The following MUC5B variants were observed in gnomAD, a reference collection of about 807,000 sequenced individuals.
The protein encoded by MUC5B is mucin 5B, oligomeric mucus/gel-forming, also known as mucin-5B.
In MUC5B, 116 loss-of-function variants were observed where a neutral mutation model predicts 376.9. The observed-to-expected ratio is 0.31, with a 90% confidence interval of 0.26 to 0.36. MUC5B has a LOEUF of 0.36. Among genes scored for constraint, MUC5B ranks in the 10% least tolerant of loss-of-function variants. The pLI, the probability that MUC5B is intolerant of heterozygous loss-of-function variation, is 1.00. For synonymous variants in MUC5B, 3,517 were observed against 3,390.9 expected, an observed-to-expected ratio of 1.04 and a Z score of -1.29; for missense variants, 7,165 against 7,769.9, an observed-to-expected ratio of 0.92 and a Z score of 2.93.
chr11:1,227,436 T>C, intron 6 of MUC5B, 38 bp downstream of exon 6: 1 of 1,499,586 alleles, frequency 6.7e-7, no homozygotes, highest in Non-Finnish European at 9.2e-7. Flanking sequence ...TGACCAATTA[T>C]GTCGGCCAAC....
chr11:1,231,273 G>T, intron 13 of MUC5B, 150 bp from the exon 14 acceptor site: 1 of 1,023,522 alleles, frequency 9.8e-7, no homozygotes, highest in South Asian at 1.8e-5. Context: ...CCACAGGCAT[G>T]GGACAGGGAG....
chr11:1,229,897 G>T (rs2133809320), intron 10 of MUC5B, 90 bp downstream of exon 10: 1 of 1,546,222 alleles, frequency 6.5e-7, no homozygotes. Context: ...GGGTGGGGGT[G>T]TGGAGCTCCT....
Position 1,225,370 on chromosome 11 carries a change from C to T in MUC5B, c.71-311C>T, listed in dbSNP as rs1037093771. On this transcript the variant is annotated intron_variant, in intron 1 of 48. Coordinates refer to ENST00000529681, the MANE Select transcript of MUC5B (RefSeq NM_002458.3). ...GGAGGCACCATCCCCGCCTGTCAGT[C>T]GGGGACAGGGCAGGCCGTGCTGGGG... Among the ~76,000 whole-genome samples, 11 of 152,368 alleles carry T rather than the reference C, an allele frequency of 7.2e-5. No homozygotes were observed. In the East Asian group the frequency reaches 7.7e-4, roughly 11 times the overall value.
chr11:1,247,146 C>T lies in MUC5B; in HGVS notation c.10266C>T (p.Thr3422=), dbSNP rs369734843. ...TTPIPPVLTT[T]ATTPAATSST... ...CCATCCCCCCAGTGCTGACCACCAC[C>T]GCCACCACACCTGCAGCCACCAGCA... The change falls in exon 31 of 49, where the codon ACC becomes ACT. Residue 3422 remains threonine (T), a synonymous_variant. Coordinates refer to ENST00000529681, the MANE Select transcript of MUC5B (RefSeq NM_002458.3). 7.0e-5 allele frequency: 107 copies of T among 1,529,822 alleles called. No homozygotes were observed. The highest frequency in any genetic ancestry group is 6.9e-4 in the Admixed American group (36 of 52,220). The allele number at this position is 1,529,822 out of a possible 1,614,324, so 94.8% of individuals were successfully genotyped here.
chr11:1,226,130 G>C, intron 2 of MUC5B, 75 bp from the exon 3 acceptor site: 5 of 1,426,232 alleles, frequency 3.5e-6, no homozygotes. Context: ...CTGGCGAGGA[G>C]GGTGGGCCCC....
Position 1,229,309 on chromosome 11 carries a change from GC to G in MUC5B, c.1102+17del. 6.4e-7 allele frequency: 1 copy of G among 1,552,058 alleles called. No individual in the cohort carries two copies. Among genetic ancestry groups the G allele is most frequent in the Middle Eastern group, 1.7e-4 (1 of 5,948 alleles). On this transcript the variant is annotated intron_variant, in intron 9 of 48. Transcript: ENST00000529681. ...TCTGCCCCCCAGGCAGGTCTTGTGTGCCCTGAACCCCTCAGGGGGCTTTCAG... is the reference window on the plus strand; with the variant it reads ...TCTGCCCCCCAGGCAGGTCTTGTGTGCCTGAACCCCTCAGGGGGCTTTCAG...
Position 1,248,724 on chromosome 11 carries a change from C to T in MUC5B, c.11844C>T (p.Ile3948=), listed in dbSNP as rs1238519739. ...TQTSGTPPSL[I]TTATTITATG... is the part of the protein sequence containing the mutation. ...CCAGTGGTACTCCCCCATCACTGAT[C>T]ACCACGGCCACTACGATCACGGCCA... The change falls in exon 31 of 49, where the codon ATC becomes ATT. Residue 3948 remains isoleucine (I), a synonymous_variant. Coordinates refer to ENST00000529681, the MANE Select transcript of MUC5B (RefSeq NM_002458.3). 1.3e-5 allele frequency: 20 copies of T among 1,565,466 alleles called. No individual in the cohort carries two copies. Among genetic ancestry groups the T allele is most frequent in the Non-Finnish European group, 1.7e-5 (20 of 1,155,566 alleles).
rs562880615 is a variant in MUC5B at position 1,241,253 on chromosome 11, C to T, written c.4373C>T (p.Thr1458Ile). ...ASTEPAVPTP[T>I]QTTATEKTTL... Reference sequence around the variant, plus strand: ...ACGGAGCCTGCTGTGCCTACCCCAACCCAGACCACAGCAACCGAAAAGACC... The same window carrying T: ...ACGGAGCCTGCTGTGCCTACCCCAATCCAGACCACAGCAACCGAAAAGACC... The change falls in exon 31 of 49, where the codon ACC becomes ATC. Residue 1458 changes from threonine (T) to isoleucine (I), a missense_variant. Thr to Ile is a moderately conservative substitution (Grantham distance 89, BLOSUM62 -1). This residue lies in a region of MUC5B where 517 missense variants were observed against 545.3 expected (regional missense o/e 0.95). Transcript: ENST00000529681. 2.5e-6 allele frequency: 4 copies of T among 1,593,498 alleles called. No homozygotes were observed.
chr11:1,256,804 C>G (rs56166961), intron 39 of MUC5B, 33 bp downstream of exon 39: 8 of 1,488,832 alleles, frequency 5.4e-6, no homozygotes, highest in Non-Finnish European at 7.2e-6. Context: ...GGATACGACC[C>G]TGGGCCCGAC....
In MUC5B at chr11:1,258,017, CACGCCTGCG is replaced by C. The variant is rs1389367618; in HGVS notation, c.16451-79_16451-71del. 9.0e-5 allele frequency: 123 copies of C among 1,373,360 alleles called. No individual in the cohort carries two copies. The highest frequency in any genetic ancestry group is 1.2e-4 in the Non-Finnish European group (120 of 995,438). 85.1% of individuals were successfully genotyped at this position (1,373,360 alleles called of 1,614,324 possible). A position where few individuals can be genotyped will look rare whatever the true frequency, so the allele number is the denominator to read the frequency against. ...AAGCGGTCAGGTCCTCGGGGAAAAG[CACGCCTGCG>C]ACTTACTCTGGGAACAAGTGGTCGG... On this transcript the variant is annotated intron_variant, in intron 41 of 48. Coordinates refer to ENST00000529681, the MANE Select transcript of MUC5B (RefSeq NM_002458.3). The surrounding 1 kb of genome is among the most constrained non-coding windows in gnomAD (Gnocchi z 5.5).
Position 1,240,864 on chromosome 11 carries a change from G to A in MUC5B, c.3984G>A (p.Pro1328=), listed in dbSNP as rs1046246907. ...VPHSTTSPAL[P]VSTVCVREVC... ...TGCCCCTTGCAGGCCCGGCCCTCCCGGTCTCCACCGTGTGTGTCCGCGAGG... is the reference window on the plus strand; with the variant it reads ...TGCCCCTTGCAGGCCCGGCCCTCCCAGTCTCCACCGTGTGTGTCCGCGAGG... The change falls in exon 31 of 49, where the codon CCG becomes CCA. Residue 1328 remains proline (P), a synonymous_variant. Transcript: ENST00000529681. The A allele has an allele frequency of 4.3e-6, 7 of 1,609,564 alleles. No homozygotes were observed. The highest frequency in any genetic ancestry group is 2.0e-4 in the Middle Eastern group (1 of 5,110).
chr11:1,255,216 C>CA lies in MUC5B; in HGVS notation c.15841dup (p.Thr5281AsnfsTer12). On this transcript the variant is annotated frameshift_variant, in exon 36 of 49. Transcript: ENST00000529681. LOFTEE classifies it high-confidence loss of function. ...CCGCAGCCCCGGTGTCTAGCACACC[C>CA]ACCCCCACCCCATGCCCACCACAGC... 1 of 1,537,234 alleles carries CA rather than the reference C, an allele frequency of 6.5e-7. No individual in the cohort carries two copies. The highest frequency in any genetic ancestry group is 8.8e-7 in the Non-Finnish European group (1 of 1,136,684).
At position 1,256,052 on chromosome 11, in the gene MUC5B, C is replaced by T. The variant is rs1025035202; in HGVS notation, c.16067-104C>T. 6 of 609,376 alleles carry T rather than the reference C, an allele frequency of 9.8e-6. 1 individual carries two copies. Among genetic ancestry groups the T allele is most frequent in the East Asian group, 2.9e-5 (1 of 34,950 alleles). 37.7% of individuals were successfully genotyped at this position (609,376 alleles called of 1,614,324 possible). On this transcript the variant is annotated intron_variant, in intron 37 of 48. Coordinates refer to ENST00000529681, the MANE Select transcript of MUC5B (RefSeq NM_002458.3). Reference sequence around the variant, plus strand: ...TGCGGTGAGTGGGGGCGGCCCCGGGCCCCCCAGACTCCTCGGCCTCTCTGA... The same window carrying T: ...TGCGGTGAGTGGGGGCGGCCCCGGGTCCCCCAGACTCCTCGGCCTCTCTGA...
chr11:1,240,127 T>C (rs1281538238), intron 29 of MUC5B, 39 bp downstream of exon 29: 1 of 1,566,514 alleles, frequency 6.4e-7, no homozygotes, highest in Non-Finnish European at 8.7e-7. Flanking sequence ...CGGTGAAGGC[T>C]GGGGCCAGGG....
chr11:1,225,551 G>C (rs1048837994), intron 1 of MUC5B, 130 bp from the exon 2 acceptor site: 8 of 786,638 alleles, frequency 1.0e-5, no homozygotes, highest in Admixed American at 2.4e-5. Context: ...TGAACCTGCA[G>C]GGCATGGAGA....
chr11:1,239,358 C>T (rs1047341182), intron 26 of MUC5B, 80 bp from the exon 27 acceptor site: 32 of 1,511,282 alleles, frequency 2.1e-5, no homozygotes, highest in Admixed American at 8.6e-5. Context: ...CCGGCCCCCA[C>T]GCCCGGGGTA....
rs1476942080 is a variant in MUC5B at position 1,241,806 on chromosome 11, T to A, written c.4926T>A (p.Ala1642=). The change falls in exon 31 of 49, where the codon GCT becomes GCA. Residue 1642 remains alanine, a synonymous_variant. Coordinates refer to ENST00000529681, the MANE Select transcript of MUC5B (RefSeq NM_002458.3). ...QPTSSPGLTR[A]PPASTTAVPT... ...CGAGTAGCCCGGGGCTGACCAGGGC[T>A]CCCCCGGCCAGCACCACAGCAGTCC... 4 of 1,610,744 alleles carry A rather than the reference T, an allele frequency of 2.5e-6. No individual in the cohort carries two copies. The African/African-American group carries it at 5.4e-5, about 22-fold the overall frequency.
intron 7 of MUC5B, among the ~76,000 whole-genome samples, 193 bp downstream of exon 7, chr11:1,227,974 G>A (rs1252027916): frequency 1.3e-5 from 2 of 152,180 alleles, no homozygotes; most frequent in Admixed American, 6.5e-5. Flanking sequence ...TGTTCATCAG[G>A]CCACGCGTGT....
In MUC5B at chr11:1,228,566, G is replaced by A. The variant is rs1465497781; in HGVS notation, c.777G>A (p.Glu259=). The A allele has an allele frequency of 2.0e-6, 3 of 1,522,126 alleles. No individual in the cohort carries two copies. Among genetic ancestry groups the A allele is most frequent in the Admixed American group, 2.0e-5 (1 of 50,442 alleles). The allele number at this position is 1,522,126 out of a possible 1,614,324, so 94.3% of individuals were successfully genotyped here. A position where few individuals can be genotyped will look rare whatever the true frequency, so the allele number is the denominator to read the frequency against. ...PLPAGNCTDE[E]GICHRTLLGP... is the part of the protein sequence containing the mutation. ...GCCTGGCCCACTGTGCTCCCCAGGA[G>A]GGCATCTGCCACCGCACCCTGCTGG... The change falls in exon 8 of 49, where the codon GAG becomes GAA. Residue 259 remains glutamate, a splice_region_variant and synonymous_variant. Coordinates refer to ENST00000529681, the MANE Select transcript of MUC5B (RefSeq NM_002458.3).
Sources: gnomAD v4.1 joint callset for allele counts (sites outside exome capture counted in the v4.1 genomes callset) on GRCh38, gnomAD v4.1.1 for gene constraint, gnomAD v4.1.1 regional missense constraint, Gnocchi (gnomAD v3.1) non-coding constraint, MANE v1.5 for transcripts, NCBI Gene and HGNC (gene_info 2026-07-23, HGNC 2026-07-21) for gene names.